The following THSD7B variants were observed in gnomAD, a reference collection of about 807,000 sequenced individuals.
THSD7B encodes the protein thrombospondin type-1 domain-containing protein 7B.
A neutral mutation model predicts 213.6 loss-of-function variants in THSD7B; 138 were observed. The observed-to-expected ratio is 0.65, with a 90% CI of 0.56 to 0.74. The LOEUF is 0.74. Among genes scored for constraint, THSD7B ranks in the 30% least tolerant of loss-of-function variants. The pLI, the probability that THSD7B is intolerant of heterozygous loss-of-function variation, is 0.00. For synonymous variants in THSD7B, 742 were observed against 687.0 expected, an observed-to-expected ratio of 1.08 and a Z score of -1.25; for missense variants, 1,931 against 1,991.5, an observed-to-expected ratio of 0.97 and a Z score of 0.58.
At chr2:136,771,017 A>G (rs1160419398) in intron 1 of THSD7B, among the ~76,000 whole-genome samples, 1 of 152,116 alleles carries the variant, frequency 6.6e-6, no homozygotes, top group Non-Finnish European at 1.5e-5. Context: ...ATCTGCCACA[A>G]CTGTAAATTC....
chr2:137,291,793 T>G (rs1366831487), intron 12 of THSD7B, among the ~76,000 whole-genome samples: 1 of 152,144 alleles, frequency 6.6e-6, no homozygotes, highest in Non-Finnish European at 1.5e-5. Context: ...CCCAATTCTC[T>G]GATGCCAGGA....
rs1679599925 is a variant in THSD7B at position 137,497,593 on chromosome 2, A to G, written c.3138+46570A>G. Among the ~76,000 whole-genome samples, 7 of 150,744 alleles carry G rather than the reference A, an allele frequency of 4.6e-5. No homozygotes were observed. In the South Asian group the frequency reaches 1.2e-3, roughly 27 times the overall value. ...TATAATTATACATACATATCTGTAT[A>G]TATATATGTATGTGTGTGTGTGTGT... On this transcript the variant is annotated intron_variant, in intron 15 of 27. Coordinates refer to ENST00000409968, the MANE Select transcript of THSD7B (RefSeq NM_001316349.2).
At chr2:137,161,305 A>G (rs1680013962) in intron 6 of THSD7B, among the ~76,000 whole-genome samples, 1 of 152,200 alleles carries the variant, frequency 6.6e-6, no homozygotes, top group African/African-American at 2.4e-5. Flanking sequence ...CAGTACTAAA[A>G]AAAATATTTC....
intron 17 of THSD7B, among the ~76,000 whole-genome samples, chr2:137,587,236 T>C (rs1467073012): frequency 6.6e-6 from 1 of 152,178 alleles, no homozygotes; most frequent in African/African-American, 2.4e-5. Context: ...TAGCCATTCG[T>C]CTAATCTTTT....
intron 25 of THSD7B, among the ~76,000 whole-genome samples, chr2:137,662,644 C>T (rs999723291): frequency 6.6e-5 from 10 of 152,034 alleles, no homozygotes; most frequent in Non-Finnish European, 1.3e-4. Context: ...GTACATAATC[C>T]CTGTTGCTTT....
chr2:136,924,218 A>G (rs1357939136), intron 2 of THSD7B, among the ~76,000 whole-genome samples: 1 of 152,036 alleles, frequency 6.6e-6, no homozygotes, highest in East Asian at 1.9e-4. Context: ...AGTAGCTGGG[A>G]TTACAGGTGC....
intron 3 of THSD7B, among the ~76,000 whole-genome samples, chr2:137,079,631 A>G (rs1293571019): frequency 2.0e-5 from 3 of 152,188 alleles, no homozygotes; most frequent in Non-Finnish European, 2.9e-5. Context: ...TATATTCTGC[A>G]TGAACACAGA....
chr2:137,583,280 C>T (rs777884025), intron 17 of THSD7B, among the ~76,000 whole-genome samples: 6 of 152,086 alleles, frequency 3.9e-5, no homozygotes, highest in Non-Finnish European at 8.8e-5. Context: ...TTCTCCCATT[C>T]TGTAGGTTGC....
At position 137,557,005 on chromosome 2, in the gene THSD7B, AT is replaced by A. The variant is rs539427287; in HGVS notation, c.3139-6215del. 9.2e-3 allele frequency among the ~76,000 whole-genome samples: 1,408 copies of A among 152,342 alleles called. 19 individuals are homozygous for A. Among genetic ancestry groups the A allele is most frequent in the African/African-American group, 0.032 (1,332 of 41,568 alleles). On this transcript the variant is annotated intron_variant, in intron 15 of 27. Coordinates refer to ENST00000409968, the MANE Select transcript of THSD7B (RefSeq NM_001316349.2). ...AAGGAGAGCTAACTATCCTAAATAT[AT>A]ATGCACCCAATACAGGAGCACCCAG...
At chr2:137,015,443 C>T (rs1686320736) in intron 2 of THSD7B, among the ~76,000 whole-genome samples, 1 of 152,088 alleles carries the variant, frequency 6.6e-6, no homozygotes, top group Non-Finnish European at 1.5e-5. Flanking sequence ...GGGCATATTG[C>T]ACTAGTACCC....
chr2:137,271,424 T>TATATAATATATATATTATAATATATA lies in THSD7B; in HGVS notation c.2267-1095_2267-1094insTTATAATATATAATATAATATATATA, dbSNP rs1558737538. 2.2e-5 allele frequency among the ~76,000 whole-genome samples: 3 copies of TATATAATATATATATTATAATATATA among 135,908 alleles called. No individual in the cohort carries two copies. In the East Asian group the frequency reaches 6.6e-4, roughly 30 times the overall value. 89.2% of individuals were successfully genotyped at this position (135,908 alleles called of 152,430 possible). On this transcript the variant is annotated intron_variant, in intron 10 of 27. Coordinates refer to ENST00000409968, the MANE Select transcript of THSD7B (RefSeq NM_001316349.2). ...ATATATATGAATTATAATATATAAT[T>TATATAATATATATATTATAATATATA]ATATAATATATATAATATAATATAT...
chr2:137,258,732 A>T (rs1417624420), intron 10 of THSD7B, among the ~76,000 whole-genome samples: 41 of 145,916 alleles, frequency 2.8e-4, no homozygotes, highest in Non-Finnish European at 1.5e-5. Flanking sequence ...TTTGTTATGT[A>T]GGTATACATA....
intron 15 of THSD7B, among the ~76,000 whole-genome samples, chr2:137,462,538 C>T (rs1378519177): frequency 2.6e-5 from 4 of 151,970 alleles, no homozygotes; most frequent in Non-Finnish European, 5.9e-5. Flanking sequence ...TGTAATTGCT[C>T]CCTCTCCTGA....
chr2:137,035,557 G>T (rs930170160), intron 2 of THSD7B, among the ~76,000 whole-genome samples: 1 of 150,116 alleles, frequency 6.7e-6, no homozygotes. Flanking sequence ...TTTCTGTTTT[G>T]TTTTGTTTTT....
chr2:137,396,746 C>G (rs1270931670), intron 12 of THSD7B, among the ~76,000 whole-genome samples: 2 of 148,720 alleles, frequency 1.3e-5, no homozygotes, highest in South Asian at 2.2e-4. Context: ...GTTGATCTGT[C>G]TAATGTTGAC....
chr2:137,340,205 A>G (rs936323543), intron 12 of THSD7B, among the ~76,000 whole-genome samples: 2 of 151,906 alleles, frequency 1.3e-5, no homozygotes, highest in African/African-American at 2.4e-5. Flanking sequence ...TATTCTTCAT[A>G]TGTATAATTT....
intron 14 of THSD7B, among the ~76,000 whole-genome samples, chr2:137,412,623 A>AAAAAAAAAAAAAC (rs1573611118): frequency 3.2e-5 from 4 of 126,284 alleles, no homozygotes; most frequent in Admixed American, 8.3e-5. Context: ...AAAAAAAACA[A>AAAAAAAAAAAAAC]AAAACAGTTT....
chr2:137,551,109 A>T (rs767089495), intron 15 of THSD7B, among the ~76,000 whole-genome samples: 19 of 152,048 alleles, frequency 1.2e-4, no homozygotes, highest in Non-Finnish European at 2.4e-4. Context: ...AGAGTTCAGA[A>T]CTTCTCAGAA....
At chr2:137,468,926 A>T (rs1688043086) in intron 15 of THSD7B, among the ~76,000 whole-genome samples, 1 of 152,110 alleles carries the variant, frequency 6.6e-6, no homozygotes, top group Non-Finnish European at 1.5e-5. Flanking sequence ...GTCAAAAGAG[A>T]TTGGACCTTT....
Sources: allele counts gnomAD v4.1 joint callset (sites outside exome capture counted in the v4.1 genomes callset), GRCh38; gene constraint gnomAD v4.1.1; transcripts MANE v1.5; gene names NCBI Gene and HGNC (gene_info 2026-07-23, HGNC 2026-07-21).